Variants in FBN2 observed in about 807,000 individuals in gnomAD.
The protein encoded by FBN2 is fibrillin-2.
A neutral mutation model predicts 355.6 loss-of-function variants in FBN2; 105 were observed. The ratio of observed to expected loss-of-function variants is 0.30; its 90% CI spans 0.25 to 0.35. The LOEUF (loss-of-function observed/expected upper bound fraction) is 0.35. Ranked by LOEUF, FBN2 falls within the 10% of genes least tolerant of loss-of-function variation. The pLI, the probability that FBN2 is intolerant of heterozygous loss-of-function variation, is 1.00. For synonymous variants in FBN2, 1,350 were observed against 1,301.2 expected (o/e 1.04, Z -0.81); for missense variants, 3,280 against 3,758.7 (o/e 0.87, Z 3.33).
intron 16 of FBN2, among the ~76,000 whole-genome samples, chr5:128,368,877 C>T (rs183834694): frequency 5.0e-4 from 76 of 151,446 alleles, no homozygotes; most frequent in Middle Eastern, 3.4e-3. Flanking sequence ...CAGGGTCTCA[C>T]CCTGGCTTCA....
Position 128,263,416 on chromosome 5 carries a change from C to A in FBN2, c.8192+9G>T, listed in dbSNP as rs1272198277. On this transcript the variant is annotated intron_variant, in intron 63 of 64. Transcript: ENST00000262464. ...TTCCTCTATGTGCTGAGGCTGAAGG[C>A]CGCCTTACCCTTGTCCCACTCTGTA... 1 of 1,601,024 alleles carries A rather than the reference C, an allele frequency of 6.2e-7. No individual in the cohort carries two copies. The highest frequency in any genetic ancestry group is 2.2e-5 in the East Asian group (1 of 44,804).
In FBN2 at chr5:128,464,843, T is replaced by C; in HGVS notation, c.707A>G (p.Lys236Arg). The change falls in exon 6 of 65, where the codon AAG (lysine) becomes AGG (arginine). Residue 236 changes from lysine to arginine, a missense_variant. Around this residue, in one of 6 missense-constraint regions of FBN2, gnomAD observed 130 missense variants for 189.9 expected, o/e 0.68. Coordinates refer to ENST00000262464, the MANE Select transcript of FBN2 (RefSeq NM_001999.4). Reference sequence around the variant, plus strand: ...TCCAATGGTGGCACAGCACAGAGTCTTCGTGCAGACAATGCCTGTCAGCTG... The same window carrying C: ...TCCAATGGTGGCACAGCACAGAGTCCTCGTGCAGACAATGCCTGTCAGCTG... ...QGQLTGIVCT[K>R]TLCCATIGRA... 6.2e-7 allele frequency: 1 copy of C among 1,614,240 alleles called. No individual in the cohort carries two copies. Among genetic ancestry groups the C allele is most frequent in the Non-Finnish European group, 8.5e-7 (1 of 1,180,040 alleles).
chr5:128,376,909 C>A, intron 13 of FBN2, 56 bp from the exon 14 acceptor site: 1 of 1,604,740 alleles, frequency 6.2e-7, no homozygotes, highest in Non-Finnish European at 8.5e-7. Context: ...CCAATTCCTT[C>A]TTCTTCCATA....
chr5:128,515,847 G>T (rs887619512), intron 5 of FBN2, among the ~76,000 whole-genome samples: 2 of 152,056 alleles, frequency 1.3e-5, no homozygotes, highest in Non-Finnish European at 2.9e-5. Flanking sequence ...CAGATTATTT[G>T]AAATTTTACA....
In FBN2 at chr5:128,378,654, C is replaced by T. The variant is rs1025166594; in HGVS notation, c.1723+117G>A. ...ATCTCTGAGGGTATTACAAATAAATCTGTAATAATGTAACACTTATTTTAT... is the reference window on the plus strand; with the variant it reads ...ATCTCTGAGGGTATTACAAATAAATTTGTAATAATGTAACACTTATTTTAT... On this transcript the variant is annotated intron_variant, in intron 12 of 64. Coordinates refer to ENST00000262464, the MANE Select transcript of FBN2 (RefSeq NM_001999.4). 2.7e-5 allele frequency: 29 copies of T among 1,094,096 alleles called. No homozygotes were observed. The South Asian group carries it at 3.8e-4, about 14-fold the overall frequency. 67.8% of individuals were successfully genotyped at this position (1,094,096 alleles called of 1,614,324 possible).
intron 7 of FBN2, among the ~76,000 whole-genome samples, chr5:128,434,394 GTATA>G (rs6149234): frequency 3.4e-4 from 31 of 91,674 alleles, no homozygotes; most frequent in South Asian, 7.7e-4. Context: ...AATAAAGTGT[GTATA>G]TATATATATA....
At chr5:128,370,414 T>A (rs1300666960) in intron 15 of FBN2, among the ~76,000 whole-genome samples, 1 of 152,188 alleles carries the variant, frequency 6.6e-6, no homozygotes, top group Non-Finnish European at 1.5e-5. Flanking sequence ...GCATTTCTGA[T>A]TAAAACAGTG....
chr5:128,445,672 T>C (rs1217822255), intron 7 of FBN2, among the ~76,000 whole-genome samples: 1 of 152,162 alleles, frequency 6.6e-6, no homozygotes, highest in Non-Finnish European at 1.5e-5. Flanking sequence ...GAAAACTGCC[T>C]TAGATGAAAT....
At chr5:128,305,730 T>A (rs531767674) in intron 43 of FBN2, 93 bp downstream of exon 43, 1 of 1,600,386 alleles carries the variant, frequency 6.2e-7, no homozygotes, top group South Asian at 1.1e-5. Flanking sequence ...TCTTGAAAAA[T>A]TGTAGAAGAA....
At chr5:128,262,043 C>A in intron 63 of FBN2, 136 bp from the exon 64 acceptor site, 1 of 738,860 alleles carries the variant, frequency 1.4e-6, no homozygotes, top group South Asian at 1.5e-5. Flanking sequence ...CCCTAATATT[C>A]TTTGCAACTC....
chr5:128,478,400 G>A (rs1264636988), intron 5 of FBN2, among the ~76,000 whole-genome samples: 1 of 152,136 alleles, frequency 6.6e-6, no homozygotes, highest in Non-Finnish European at 1.5e-5. Flanking sequence ...TTTCAGAAAT[G>A]TATTGTTATT....
chr5:128,471,601 T>C (rs1354383534), intron 5 of FBN2, among the ~76,000 whole-genome samples: 2 of 152,176 alleles, frequency 1.3e-5, no homozygotes, highest in Admixed American at 6.5e-5. Context: ...GTACCTGTAA[T>C]GCCTGAAAAC....
At chr5:128,270,994 G>A (rs1247847511) in intron 62 of FBN2, among the ~76,000 whole-genome samples, 1 of 152,144 alleles carries the variant, frequency 6.6e-6, no homozygotes, top group Non-Finnish European at 1.5e-5. Context: ...ACACTCCTAT[G>A]AGTGTATATT....
chr5:128,365,657 T>C (rs1751747058), intron 17 of FBN2, among the ~76,000 whole-genome samples: 1 of 150,472 alleles, frequency 6.6e-6, no homozygotes, highest in Middle Eastern at 3.6e-3. Flanking sequence ...CATAAATATA[T>C]ATATATAACC....
chr5:128,296,634 T>C (rs1316733316), intron 48 of FBN2, among the ~76,000 whole-genome samples: 1 of 152,166 alleles, frequency 6.6e-6, no homozygotes, highest in Non-Finnish European at 1.5e-5. Flanking sequence ...TAGAGGTGTT[T>C]GTAGTATTCT....
rs780356190 is a variant in FBN2, at chr5:128,318,302, C to A, written c.4595-31G>T. ...AGAAGCATTTAAAATGCCCAGGTTA[C>A]CATTTTTACTTTTTCTGTGCATACT... On this transcript the variant is annotated intron_variant, in intron 35 of 64. Coordinates refer to ENST00000262464, the MANE Select transcript of FBN2 (RefSeq NM_001999.4). 3.1e-6 allele frequency: 5 copies of A among 1,613,448 alleles called. No homozygotes were observed. In the South Asian group the frequency reaches 5.5e-5, roughly 18 times the overall value.
rs191439014 is a variant in FBN2, at chr5:128,509,584, G to C, written c.628+9689C>G. ...TTTTAGTTGATTTTTTTTCCATTTTGATCATGCTCTCCTGCTTCTTTACAC... is the reference window on the plus strand; with the variant it reads ...TTTTAGTTGATTTTTTTTCCATTTTCATCATGCTCTCCTGCTTCTTTACAC... On this transcript the variant is annotated intron_variant, in intron 5 of 64. Coordinates refer to ENST00000262464, the MANE Select transcript of FBN2 (RefSeq NM_001999.4). 4.6e-5 allele frequency among the ~76,000 whole-genome samples: 7 copies of C among 151,862 alleles called. No homozygotes were observed. In the East Asian group the frequency reaches 1.4e-3, roughly 29 times the overall value.
At position 128,519,459 on chromosome 5, in the gene FBN2, GTTAAA is replaced by G. The variant is rs3059402; in HGVS notation, c.533-96_533-92del. On this transcript the variant is annotated intron_variant, in intron 4 of 64. Transcript: ENST00000262464. Reference sequence around the variant, plus strand: ...TGATGCTGCCAATAAAGGATCTTATGTTAAATTATAGTACATTATGTTAATTAAAC... The same window carrying G: ...TGATGCTGCCAATAAAGGATCTTATGTTATAGTACATTATGTTAATTAAAC... The G allele has an allele frequency of 0.31, 273,086 of 892,168 alleles. 43,979 individuals are homozygous for G. The highest frequency in any genetic ancestry group is 0.47 in the African/African-American group (28,207 of 60,658). The allele number at this position is 892,168 out of a possible 1,614,324, so 55.3% of individuals were successfully genotyped here.
At chr5:128,450,306 T>C (rs1754203326) in intron 6 of FBN2, among the ~76,000 whole-genome samples, 1 of 152,028 alleles carries the variant, frequency 6.6e-6, no homozygotes, top group African/African-American at 2.4e-5. Flanking sequence ...GTTCATTAAA[T>C]GTAAAAGAAA....
Sources: allele counts gnomAD v4.1 joint callset (sites outside exome capture counted in the v4.1 genomes callset), GRCh38; gene constraint gnomAD v4.1.1; regional missense constraint gnomAD v4.1.1; transcripts MANE v1.5; gene names NCBI Gene and HGNC (gene_info 2026-07-23, HGNC 2026-07-21).